The following AKAP11 variants were observed in gnomAD, a reference collection of about 807,000 sequenced individuals.
AKAP11 encodes the protein A-kinase anchoring protein 11, also known as A-kinase anchor protein 11.
In AKAP11, 36 loss-of-function variants were observed where a neutral mutation model predicts 146.1. The observed-to-expected ratio is 0.25, with a 90% CI of 0.19 to 0.33. The LOEUF is 0.33. AKAP11 is among the 10% of genes least tolerant of loss of function. The pLI is 1.00. For missense variants in AKAP11, 2,201 were observed against 2,197.0 expected (o/e 1.00, Z -0.04); for synonymous variants, 780 against 786.5 (o/e 0.99, Z 0.14).
chr13:42,301,769 C>T lies in AKAP11; in HGVS notation c.3023C>T (p.Pro1008Leu). The T allele has an allele frequency of 6.2e-7, 1 of 1,614,096 alleles. No homozygotes were observed. The highest frequency in any genetic ancestry group is 1.3e-5 in the African/African-American group (1 of 75,024). Residue 1008 changes from proline to leucine, a missense_variant, in exon 8 of 13, where the codon CCA becomes CTA. By Grantham distance (98) the Pro-to-Leu change is moderately conservative. Coordinates refer to ENST00000025301, the MANE Select transcript of AKAP11 (RefSeq NM_016248.4). ...CSLSAAKDCV[P>L]ECKVSMVHGS... Reference sequence around the variant, plus strand: ...CTTTCAGCTGCAAAGGATTGTGTTCCAGAATGTAAAGTTTCTATGGTTCAT... The same window carrying T: ...CTTTCAGCTGCAAAGGATTGTGTTCTAGAATGTAAAGTTTCTATGGTTCAT...
At position 42,319,105 on chromosome 13, in the gene AKAP11, A is replaced by C; in HGVS notation, c.5583A>C (p.Gln1861His). ...TTTCTTAGCTTTCAAAACAATTACAAGAGAAAGGATGGAAAGTGGGAGACC... is the reference window on the plus strand; with the variant it reads ...TTTCTTAGCTTTCAAAACAATTACACGAGAAAGGATGGAAAGTGGGAGACC... Reference protein sequence around the residue: ...KEFMLLSKQLQEKGWKVGDLL... With the variant: ...KEFMLLSKQLHEKGWKVGDLL... The change falls in exon 13 of 13, where the codon CAA (glutamine) becomes CAC (histidine). Residue 1861 changes from glutamine (Q) to histidine (H), a missense_variant. By Grantham distance (24) the Gln-to-His change is conservative (BLOSUM62 0). Coordinates refer to ENST00000025301, the MANE Select transcript of AKAP11 (RefSeq NM_016248.4). The C allele has an allele frequency of 6.2e-7, 1 of 1,613,800 alleles. No individual in the cohort carries two copies. Among genetic ancestry groups the C allele is most frequent in the Non-Finnish European group, 8.5e-7 (1 of 1,179,804 alleles).
chr13:42,296,894 T>C (rs1389368335), intron 5 of AKAP11, among the ~76,000 whole-genome samples, 154 bp from the exon 6 acceptor site: 1 of 151,976 alleles, frequency 6.6e-6, no homozygotes, highest in East Asian at 1.9e-4. Context: ...TTTGAAAAAT[T>C]ATCTGTGAAT....
At chr13:42,284,360 C>CTT (rs1474268577) in intron 1 of AKAP11, among the ~76,000 whole-genome samples, 1 of 152,186 alleles carries the variant, frequency 6.6e-6, no homozygotes, top group African/African-American at 2.4e-5. Context: ...TAGGAGCCTT[C>CTT]TTTGACAGTC....
At chr13:42,288,916 G>T (rs1425052080) in intron 3 of AKAP11, among the ~76,000 whole-genome samples, 1 of 152,108 alleles carries the variant, frequency 6.6e-6, no homozygotes, top group Admixed American at 6.5e-5. Context: ...AGCATTTATG[G>T]CAAGAATACT....
At chr13:42,313,796 T>TA in intron 10 of AKAP11, 98 bp from the exon 11 acceptor site, 2 of 998,094 alleles carry the variant, frequency 2.0e-6, no homozygotes, top group Non-Finnish European at 3.0e-6. Flanking sequence ...ATATGTCATA[T>TA]TGTAACATTC....
At position 42,317,697 on chromosome 13, in the gene AKAP11, C is replaced by G. The variant is rs780677989; in HGVS notation, c.5565+9C>G. 1 of 1,612,372 alleles carries G rather than the reference C, an allele frequency of 6.2e-7. No individual in the cohort carries two copies. Among genetic ancestry groups the G allele is most frequent in the African/African-American group, 1.3e-5 (1 of 74,964 alleles). On this transcript the variant is annotated intron_variant, in intron 12 of 12. Coordinates refer to ENST00000025301, the MANE Select transcript of AKAP11 (RefSeq NM_016248.4). ...ATAAGGAGTTTATGCTAGTAAGTAC[C>G]TACCTTACAGAGTGTGAGGATACAT...
At chr13:42,286,078 G>A (rs1959162465) in intron 2 of AKAP11, 43 bp downstream of exon 2, 1 of 226,436 alleles carries the variant, frequency 4.4e-6, no homozygotes, top group African/African-American at 2.3e-5. Context: ...CAAAATATAA[G>A]ATTTTTATAA....
intron 1 of AKAP11, among the ~76,000 whole-genome samples, chr13:42,279,654 C>A (rs1959016581): frequency 6.6e-6 from 1 of 152,070 alleles, no homozygotes; most frequent in Non-Finnish European, 1.5e-5. Flanking sequence ...TCTGTTCCTG[C>A]CATCATCACT....
At position 42,300,832 on chromosome 13, in the gene AKAP11, T is replaced by G. The variant is rs765889634; in HGVS notation, c.2086T>G (p.Ser696Ala). 6.8e-6 allele frequency: 11 copies of G among 1,614,024 alleles called. No individual in the cohort carries two copies. Among genetic ancestry groups the G allele is most frequent in the Non-Finnish European group, 9.3e-6 (11 of 1,179,994 alleles). Residue 696 changes from serine (S) to alanine (A), a missense_variant, in exon 8 of 13, where the codon TCT becomes GCT. Ser to Ala is a moderately conservative substitution (Grantham distance 99). Around this residue, in one of 3 missense-constraint regions of AKAP11, gnomAD observed 1,867 missense variants for 1,833.5 expected, o/e 1.02. Coordinates refer to ENST00000025301, the MANE Select transcript of AKAP11 (RefSeq NM_016248.4). ...GTTGTATGCAAAAGATTTGTCTGAA[T>G]CTGTAATACAGGAAGCATTCATTGA... ...VKLYAKDLSE[S>A]VIQEAFIELS...
At chr13:42,291,030 CA>C (rs1236303309) in intron 3 of AKAP11, among the ~76,000 whole-genome samples, 4 of 152,146 alleles carry the variant, frequency 2.6e-5, no homozygotes, top group Non-Finnish European at 4.4e-5. Context: ...AATGACAGGT[CA>C]GATTCAAATG....
chr13:42,316,320 A>G (rs1236721022), intron 11 of AKAP11, among the ~76,000 whole-genome samples: 1 of 152,150 alleles, frequency 6.6e-6, no homozygotes, highest in Non-Finnish European at 1.5e-5. Flanking sequence ...GATGTCTGCC[A>G]GCATGCCCTG....
At position 42,320,747 on chromosome 13, in the gene AKAP11, G is replaced by C. The variant is rs1483160521; in HGVS notation, c.*1519G>C. On this transcript the variant is annotated 3_prime_UTR_variant, in exon 13 of 13. Transcript: ENST00000025301. ...TGTTCTGAAAGCTGCACAAAACGTAGAAAGAAGACATAGCGCCTGCCAGGG... is the reference window on the plus strand; with the variant it reads ...TGTTCTGAAAGCTGCACAAAACGTACAAAGAAGACATAGCGCCTGCCAGGG... The C allele has an allele frequency of 6.6e-6, 1 of 152,200 alleles. No individual in the cohort carries two copies. The highest frequency in any genetic ancestry group is 1.5e-5 in the Non-Finnish European group (1 of 68,022). The allele number at this position is 152,200 out of a possible 1,614,324, so 9.4% of individuals were successfully genotyped here.
At position 42,319,242 on chromosome 13, in the gene AKAP11, C is replaced by G; in HGVS notation, c.*14C>G. The G allele has an allele frequency of 1.9e-6, 3 of 1,611,130 alleles. No individual in the cohort carries two copies. Among genetic ancestry groups the G allele is most frequent in the Non-Finnish European group, 2.5e-6 (3 of 1,179,294 alleles). ...GAAAATGCATAGAGCAAACCCCAAA[C>G]CAGTATATTTTAGTATTTGTTTGGG... On this transcript the variant is annotated 3_prime_UTR_variant, in exon 13 of 13. Coordinates refer to ENST00000025301, the MANE Select transcript of AKAP11 (RefSeq NM_016248.4).
Position 42,294,398 on chromosome 13 carries a change from A to T in AKAP11, c.169-1297A>T, listed in dbSNP as rs576265475. 3.4e-4 allele frequency among the ~76,000 whole-genome samples: 52 copies of T among 151,868 alleles called. 1 individual carries two copies. The highest frequency in any genetic ancestry group is 2.7e-3 in the South Asian group (13 of 4,804). ...CAGGTTATAAAAGTAGTATATATAT[A>T]TTTTTTTCTTTTCTTTTTTTTTGAG... On this transcript the variant is annotated intron_variant, in intron 4 of 12. Coordinates refer to ENST00000025301, the MANE Select transcript of AKAP11 (RefSeq NM_016248.4).
rs1454397609 is a variant in AKAP11 at position 42,302,708 on chromosome 13, C to A, written c.3962C>A (p.Ser1321Ter). The A allele has an allele frequency of 6.2e-7, 1 of 1,613,956 alleles. No individual in the cohort carries two copies. Among genetic ancestry groups the A allele is most frequent in the Non-Finnish European group, 8.5e-7 (1 of 1,180,014 alleles). ...HPREVDPFIL[S>*]LPPSSCMSGL... ...AGAGAAGTGGATCCGTTTATTCTTT[C>A]ATTACCACCAAGTTCTTGTATGTCA... Residue 1321 changes from serine (S) to a stop codon, truncating the protein, a stop_gained, in exon 8 of 13, where the codon TCA (serine) becomes TAA (stop). Transcript: ENST00000025301. LOFTEE classifies it high-confidence loss of function.
intron 1 of AKAP11, among the ~76,000 whole-genome samples, chr13:42,282,017 G>A (rs996315788): frequency 6.9e-6 from 1 of 145,884 alleles, no homozygotes; most frequent in African/African-American, 2.6e-5. Context: ...GGCCCAGGTT[G>A]GAGTGCAGTG....
At chr13:42,288,630 T>C (rs1959183539) in intron 3 of AKAP11, among the ~76,000 whole-genome samples, 1 of 152,218 alleles carries the variant, frequency 6.6e-6, no homozygotes, top group Non-Finnish European at 1.5e-5. Flanking sequence ...TATAGTTCAC[T>C]CTGCCCCTGT....
chr13:42,316,204 C>T (rs1471896192), intron 11 of AKAP11, among the ~76,000 whole-genome samples: 2 of 152,278 alleles, frequency 1.3e-5, no homozygotes, highest in South Asian at 2.1e-4. Flanking sequence ...TAGGGACCAA[C>T]ACAACTCCTA....
intron 6 of AKAP11, among the ~76,000 whole-genome samples, chr13:42,297,629 A>G (rs1211983604): frequency 2.6e-5 from 4 of 151,986 alleles, no homozygotes; most frequent in Non-Finnish European, 5.9e-5. Context: ...TGTTCTTTAT[A>G]AATAAAAATG....
Sources: gnomAD v4.1 joint callset for allele counts (sites outside exome capture counted in the v4.1 genomes callset) on GRCh38, gnomAD v4.1.1 for gene constraint, gnomAD v4.1.1 regional missense constraint, MANE v1.5 for transcripts, NCBI Gene and HGNC (gene_info 2026-07-23, HGNC 2026-07-21) for gene names.